Variants in SEMA5B observed in about 807,000 individuals in gnomAD.
SEMA5B encodes the protein semaphorin-5B.
In SEMA5B, 66 loss-of-function variants were observed where a neutral mutation model predicts 135.0. That is an observed-to-expected ratio of 0.49 (90% CI 0.40 to 0.60). The LOEUF (loss-of-function observed/expected upper bound fraction) is 0.60, where lower values mean the gene tolerates loss of function less well. Among genes scored for constraint, SEMA5B ranks in the 20% least tolerant of loss-of-function variants. SEMA5B has a pLI of 0.00. For missense variants in SEMA5B, 1,501 were observed against 1,566.3 expected, an observed-to-expected ratio of 0.96 and a Z score of 0.70; for synonymous variants, 690 against 639.5, an observed-to-expected ratio of 1.08 and a Z score of -1.19.
chr3:122,983,915 G>A (rs1212375745), intron 1 of SEMA5B, among the ~76,000 whole-genome samples: 1 of 151,958 alleles, frequency 6.6e-6, no homozygotes, highest in Non-Finnish European at 1.5e-5. Context: ...GAAAGGGAGT[G>A]GTAAGGGACA....
At chr3:122,940,932 C>T (rs1409850855) in intron 4 of SEMA5B, among the ~76,000 whole-genome samples, 2 of 152,220 alleles carry the variant, frequency 1.3e-5, no homozygotes, top group Admixed American at 6.5e-5. Flanking sequence ...ACAGCTTTAA[C>T]AAATTAGGGG....
At chr3:122,935,892 C>T (rs1047089566) in intron 5 of SEMA5B, among the ~76,000 whole-genome samples, 9 of 151,648 alleles carry the variant, frequency 5.9e-5, no homozygotes, top group African/African-American at 2.2e-4. Flanking sequence ...GGGGTTTCAC[C>T]ACGTTGGCCA....
intron 5 of SEMA5B, among the ~76,000 whole-genome samples, chr3:122,938,256 GTGGATGGA>G (rs772688109): frequency 1.3e-5 from 2 of 152,034 alleles, no homozygotes; most frequent in Non-Finnish European, 2.9e-5. Context: ...TATTGGATGG[GTGGATGGA>G]TGGATGGATG....
At chr3:122,929,810 C>A (rs1175862504) in intron 5 of SEMA5B, among the ~76,000 whole-genome samples, 1 of 152,190 alleles carries the variant, frequency 6.6e-6, no homozygotes, top group Non-Finnish European at 1.5e-5. Context: ...ATGTGGGGAC[C>A]TGCAGGACAG....
At chr3:123,012,884 G>A (rs1012673438) in intron 1 of SEMA5B, among the ~76,000 whole-genome samples, 1 of 152,220 alleles carries the variant, frequency 6.6e-6, no homozygotes, top group African/African-American at 2.4e-5. Flanking sequence ...TGGATGGAGG[G>A]AGTGGAGAGA....
In SEMA5B at chr3:122,922,416, T is replaced by G; in HGVS notation, c.1304A>C (p.Glu435Ala). The G allele has an allele frequency of 6.2e-7, 1 of 1,609,580 alleles. No homozygotes were observed. Among genetic ancestry groups the G allele is most frequent in the Non-Finnish European group, 8.5e-7 (1 of 1,178,458 alleles). Residue 435 changes from glutamate (E) to alanine (A), a missense_variant, in exon 11 of 23, where the codon GAG becomes GCG. By Grantham distance (107) the Glu-to-Ala change is moderately radical. Transcript: ENST00000357599. ...CGTLPETGPN[E>A]NLTERSLQDA... Reference sequence around the variant, plus strand: ...CTGCAGGCTGCGCTCCGTCAGGTTCTCGTTGGGACCGGTCTCAGGCAGGGT... The same window carrying G: ...CTGCAGGCTGCGCTCCGTCAGGTTCGCGTTGGGACCGGTCTCAGGCAGGGT...
At chr3:122,923,840 T>G in intron 9 of SEMA5B, 88 bp from the exon 10 acceptor site, 3 of 1,456,508 alleles carry the variant, frequency 2.1e-6, no homozygotes, top group Non-Finnish European at 2.9e-6. Flanking sequence ...TCATGTCCAA[T>G]TCCCAAGGCT....
intron 1 of SEMA5B, among the ~76,000 whole-genome samples, chr3:123,018,871 G>C (rs906750015): frequency 1.3e-5 from 2 of 152,150 alleles, no homozygotes; most frequent in African/African-American, 4.8e-5. Context: ...ATAGGAATAC[G>C]TCATAACTTG....
chr3:122,952,636 A>T (rs932672630), intron 2 of SEMA5B, among the ~76,000 whole-genome samples: 4 of 152,170 alleles, frequency 2.6e-5, no homozygotes, highest in African/African-American at 9.7e-5. Flanking sequence ...GGAAAGAGGA[A>T]CAGGGACTGG....
intron 19 of SEMA5B, 29 bp downstream of exon 19, chr3:122,912,143 T>A (rs1481492766): frequency 6.3e-7 from 1 of 1,581,274 alleles, no homozygotes; most frequent in African/African-American, 1.3e-5. Context: ...CCATGTCGCT[T>A]CCCAGCCCTG....
chr3:122,991,781 G>C (rs950003460), intron 1 of SEMA5B, among the ~76,000 whole-genome samples: 1 of 152,182 alleles, frequency 6.6e-6, no homozygotes, highest in East Asian at 1.9e-4. Context: ...CCTCTGGAAA[G>C]TTGGAAATGT....
chr3:123,021,265 C>T (rs1035358287), intron 1 of SEMA5B, among the ~76,000 whole-genome samples: 2 of 152,198 alleles, frequency 1.3e-5, no homozygotes, highest in Non-Finnish European at 2.9e-5. Context: ...ACACACCAAC[C>T]AACAGGGCAA....
intron 22 of SEMA5B, 100 bp downstream of exon 22, chr3:122,910,740 G>A: frequency 1.1e-6 from 1 of 947,854 alleles, no homozygotes; most frequent in East Asian, 2.6e-5. Flanking sequence ...AACCCGGGAG[G>A]CAGAGCTTGC....
At chr3:123,025,585 A>G (rs1352456475) in intron 1 of SEMA5B, among the ~76,000 whole-genome samples, 2 of 152,178 alleles carry the variant, frequency 1.3e-5, no homozygotes, top group Non-Finnish European at 2.9e-5. Flanking sequence ...TGCTTGGAAA[A>G]AGAAAAGGGA....
At chr3:122,923,499 G>T in intron 10 of SEMA5B, 118 bp downstream of exon 10, 2 of 1,136,164 alleles carry the variant, frequency 1.8e-6, no homozygotes, top group Non-Finnish European at 2.6e-6. Context: ...GATGGGCATG[G>T]ACTGGCAGGG....
At chr3:123,002,962 A>C (rs774793690) in intron 1 of SEMA5B, among the ~76,000 whole-genome samples, 1 of 152,186 alleles carries the variant, frequency 6.6e-6, no homozygotes, top group Admixed American at 6.5e-5. Context: ...TACAAAAAAA[A>C]TTACTAGCAT....
chr3:123,002,827 C>T (rs1330436477), intron 1 of SEMA5B, among the ~76,000 whole-genome samples: 1 of 152,134 alleles, frequency 6.6e-6, no homozygotes, highest in East Asian at 1.9e-4. Context: ...AAGAACTAGT[C>T]AGAAAATTAA....
At chr3:122,980,834 T>C (rs1941500975) in intron 1 of SEMA5B, among the ~76,000 whole-genome samples, 1 of 152,190 alleles carries the variant, frequency 6.6e-6, no homozygotes, top group Non-Finnish European at 1.5e-5. Context: ...ACTCCCCGCC[T>C]GCTCCTGAGA....
chr3:122,925,004 A>G (rs939084713), intron 9 of SEMA5B, among the ~76,000 whole-genome samples: 1 of 152,212 alleles, frequency 6.6e-6, no homozygotes, highest in African/African-American at 2.4e-5. Context: ...ACCTGCATGG[A>G]GAAGGCATGC....
Sources: gnomAD v4.1 joint callset for allele counts (sites outside exome capture counted in the v4.1 genomes callset) on GRCh38, gnomAD v4.1.1 for gene constraint, MANE v1.5 for transcripts, NCBI Gene and HGNC (gene_info 2026-07-23, HGNC 2026-07-21) for gene names.